Variants in ABCC5 observed in about 807,000 individuals in gnomAD.
ABCC5 encodes the protein ATP-binding cassette sub-family C member 5.
Under a neutral mutation model 160.9 loss-of-function variants are expected in ABCC5, and 61 were observed. The observed-to-expected ratio is 0.38, with a 90% confidence interval of 0.31 to 0.47. The LOEUF is 0.47. Among genes scored for constraint, ABCC5 ranks in the 20% least tolerant of loss-of-function variants. The probability of loss-of-function intolerance (pLI) is 0.99; values close to 1 mark genes in which losing one functional copy is unlikely to be tolerated. For missense variants in ABCC5, 1,308 were observed against 1,813.3 expected (o/e 0.72, Z 5.06); for synonymous variants, 666 against 700.6 (o/e 0.95, Z 0.78).
intron 2 of ABCC5, among the ~76,000 whole-genome samples, chr3:184,011,041 C>A (rs73048484): frequency 6.9e-4 from 104 of 151,618 alleles, no homozygotes; most frequent in African/African-American, 2.3e-3. Flanking sequence ...CGTGCCCGGC[C>A]CAAACTCATT....
chr3:184,002,082 G>A (rs529078538), intron 2 of ABCC5, among the ~76,000 whole-genome samples: 1 of 152,288 alleles, frequency 6.6e-6, no homozygotes, highest in Non-Finnish European at 1.5e-5. Flanking sequence ...TAAGGTCACA[G>A]GGAAGCTAAA....
chr3:183,982,829 A>G lies in ABCC5; in HGVS notation c.770T>C (p.Met257Thr), dbSNP rs1457271127. ...GVRLRGAILTMAFKKILKLKN... is the reference protein window; with the variant it reads ...GVRLRGAILTTAFKKILKLKN... The stretch of plus-strand genomic sequence containing the variant: ...TAACTTAAGGATCTTCTTAAATGCC[A>G]TGGTTAGGATGGCCCCCCGCAAGCG... The change falls in exon 6 of 30, where the codon ATG becomes ACG. Residue 257 changes from methionine to threonine, a missense_variant. This residue lies in a region of ABCC5 where 1,142 missense variants were observed against 1,527.1 expected (regional missense o/e 0.75). Coordinates refer to ENST00000334444, the MANE Select transcript of ABCC5 (RefSeq NM_005688.4). The surrounding 1 kb of genome is among the most constrained non-coding windows in gnomAD (Gnocchi z 5.2). 1.2e-6 allele frequency: 2 copies of G among 1,614,092 alleles called. No individual in the cohort carries two copies. Among genetic ancestry groups the G allele is most frequent in the Non-Finnish European group, 1.7e-6 (2 of 1,180,042 alleles).
At chr3:183,976,596 T>G (rs749072416) in intron 10 of ABCC5, among the ~76,000 whole-genome samples, 2 of 152,154 alleles carry the variant, frequency 1.3e-5, no homozygotes, top group Non-Finnish European at 2.9e-5. Flanking sequence ...CCCGGTCAAC[T>G]GTAAACAAGT....
At position 183,951,065 on chromosome 3, in the gene ABCC5, A is replaced by G. The variant is rs1323945232; in HGVS notation, c.2944+376T>C. 1.3e-5 allele frequency among the ~76,000 whole-genome samples: 2 copies of G among 152,146 alleles called. No individual in the cohort carries two copies. Among genetic ancestry groups the G allele is most frequent in the South Asian group, 2.1e-4 (1 of 4,824 alleles). The stretch of plus-strand genomic sequence containing the variant: ...TTGCTACACAGGAAGCCCCCTGTCA[A>G]TGTCAGGGGCTTTACTGTTACTCTG... On this transcript the variant is annotated intron_variant, in intron 20 of 29. Coordinates refer to ENST00000334444, the MANE Select transcript of ABCC5 (RefSeq NM_005688.4). The surrounding 1 kb of genome is among the most constrained non-coding windows in gnomAD (Gnocchi z 4.7).
At chr3:183,969,790 T>C (rs1717572525) in intron 11 of ABCC5, among the ~76,000 whole-genome samples, 1 of 152,150 alleles carries the variant, frequency 6.6e-6, no homozygotes, top group African/African-American at 2.4e-5. Flanking sequence ...AAAGACTGTG[T>C]CCCCTTCTTG....
chr3:184,017,406 G>C lies in ABCC5; in HGVS notation c.-56+424C>G, dbSNP rs946710563. The C allele has an allele frequency of 3.3e-5, 5 of 152,250 alleles. No homozygotes were observed. Among genetic ancestry groups the C allele is most frequent in the African/African-American group, 1.2e-4 (5 of 41,458 alleles). 9.4% of individuals were successfully genotyped at this position (152,250 alleles called of 1,614,324 possible). On this transcript the variant is annotated intron_variant, in intron 1 of 29. Transcript: ENST00000334444. This position sits in a 1 kb window ranked among gnomAD's most constrained non-coding sequence, Gnocchi z 4.5. ...TTGAGCAGGGTGCCCCGAGCCACCCGCTGCACAGCCTCCCAGGTGGGCGTT... is the reference window on the plus strand; with the variant it reads ...TTGAGCAGGGTGCCCCGAGCCACCCCCTGCACAGCCTCCCAGGTGGGCGTT...
At chr3:183,955,655 C>T (rs1340587116) in intron 17 of ABCC5, among the ~76,000 whole-genome samples, 2 of 145,990 alleles carry the variant, frequency 1.4e-5, no homozygotes, top group East Asian at 2.1e-4. Flanking sequence ...TATATCACAT[C>T]GGTTACATGC....
Position 183,978,665 on chromosome 3 carries a change from G to A in ABCC5, c.1148-14C>T, listed in dbSNP as rs1718434226. ...CCTCGCGGATTTCTATGAATAAAAA[G>A]CAAGCCAATTTCAAAGCAAGTTAAA... On this transcript the variant is annotated splice_polypyrimidine_tract_variant and intron_variant, in intron 8 of 29. Transcript: ENST00000334444. 2 of 1,611,014 alleles carry A rather than the reference G, an allele frequency of 1.2e-6. No homozygotes were observed. The highest frequency in any genetic ancestry group is 1.1e-5 in the South Asian group (1 of 90,810).
At chr3:183,983,047 G>A in intron 5 of ABCC5, 40 bp from the exon 6 acceptor site, 1 of 1,515,560 alleles carries the variant, frequency 6.6e-7, no homozygotes, top group Non-Finnish European at 9.2e-7. Context: ...CATCTCCACG[G>A]CACTCACACA....
intron 22 of ABCC5, among the ~76,000 whole-genome samples, chr3:183,947,740 C>CA (rs925489403): frequency 3.3e-4 from 49 of 150,274 alleles, no homozygotes; most frequent in Non-Finnish European, 5.0e-4. Flanking sequence ...TCTTTAAAAA[C>CA]AAAAAAAAAT....
Position 183,978,634 on chromosome 3 carries a change from G to A in ABCC5, c.1165C>T (p.Arg389Cys), listed in dbSNP as rs1309542209. Residue 389 changes from arginine to cysteine, a missense_variant, in exon 9 of 30, where the codon CGT becomes TGT. Arg to Cys is a radical substitution (Grantham distance 180). Transcript: ENST00000334444. Reference protein sequence around the residue: ...QSVQKIREEERRILEKAGYFQ... With the variant: ...QSVQKIREEECRILEKAGYFQ... ...TACCCAGCTTTTTCCAATATCCGAC[G>A]CTCCTCCTCGCGGATTTCTATGAAT... 1.9e-6 allele frequency: 3 copies of A among 1,613,412 alleles called. No homozygotes were observed. Among genetic ancestry groups the A allele is most frequent in the Non-Finnish European group, 2.5e-6 (3 of 1,179,856 alleles).
chr3:183,932,009 T>C (rs373714625), intron 26 of ABCC5, among the ~76,000 whole-genome samples: 5 of 152,226 alleles, frequency 3.3e-5, no homozygotes, highest in African/African-American at 1.2e-4. Context: ...TGGTTCTTCA[T>C]ATTTTATTTT....
intron 5 of ABCC5, chr3:183,985,452 C>G: frequency 7.9e-7 from 1 of 1,271,816 alleles, no homozygotes; most frequent in South Asian, 1.2e-5. Flanking sequence ...CAGCACCAAG[C>G]AAGCTGCAGG....
At position 183,983,037 on chromosome 3, in the gene ABCC5, C is replaced by T. The variant is rs376430028; in HGVS notation, c.592-30G>A. 5 of 1,563,088 alleles carry T rather than the reference C, an allele frequency of 3.2e-6. No individual in the cohort carries two copies. The African/African-American group carries it at 5.4e-5, about 17-fold the overall frequency. ...AGGGAGAGACACACACCACTGTCAACATCTCCACGGCACTCACACACAATG... is the reference window on the plus strand; with the variant it reads ...AGGGAGAGACACACACCACTGTCAATATCTCCACGGCACTCACACACAATG... On this transcript the variant is annotated intron_variant, in intron 5 of 29. Transcript: ENST00000334444.
At chr3:183,924,513 G>GGGT in intron 29 of ABCC5, among the ~76,000 whole-genome samples, 1 of 152,254 alleles carries the variant, frequency 6.6e-6, no homozygotes, top group South Asian at 2.1e-4. Context: ...GTCACTGTGG[G>GGGT]AGCTTCTACA....
chr3:184,003,031 C>T (rs1263541941), intron 2 of ABCC5, among the ~76,000 whole-genome samples: 1 of 152,144 alleles, frequency 6.6e-6, no homozygotes, highest in Non-Finnish European at 1.5e-5. Flanking sequence ...TCCTCATTCA[C>T]AAGACCTTAA....
At chr3:183,926,800 A>G (rs1038037755) in intron 28 of ABCC5, among the ~76,000 whole-genome samples, 1 of 151,812 alleles carries the variant, frequency 6.6e-6, no homozygotes, top group Non-Finnish European at 1.5e-5. Context: ...TAATCCCAGC[A>G]CTTTGGGAGG....
chr3:183,924,010 C>CT (rs200040197), intron 29 of ABCC5, among the ~76,000 whole-genome samples: 9,418 of 111,352 alleles, frequency 0.085, 1,206 homozygotes, highest in African/African-American at 0.2. Flanking sequence ...TTACTGTTTG[C>CT]TTTTTTTTTT....
At chr3:184,004,567 C>T (rs1200922707) in intron 2 of ABCC5, among the ~76,000 whole-genome samples, 1 of 151,276 alleles carries the variant, frequency 6.6e-6, no homozygotes, top group Non-Finnish European at 1.5e-5. Flanking sequence ...CCTCCAGTGC[C>T]TAACACAATG....
Sources: gnomAD v4.1 joint callset for allele counts (sites outside exome capture counted in the v4.1 genomes callset) on GRCh38, gnomAD v4.1.1 for gene constraint, gnomAD v4.1.1 regional missense constraint, Gnocchi (gnomAD v3.1) non-coding constraint, MANE v1.5 for transcripts, NCBI Gene and HGNC (gene_info 2026-07-23, HGNC 2026-07-21) for gene names.